The following FOCAD variants were observed in gnomAD, a reference collection of about 807,000 sequenced individuals.
FOCAD encodes focadhesin, also known as KIAA1797.
FOCAD carries 198 observed loss-of-function variants against 225.6 expected under a neutral mutation model. That is an observed-to-expected ratio of 0.88 (90% CI 0.78 to 0.99). FOCAD has a LOEUF of 0.99. FOCAD is among the 50% of genes least tolerant of loss of function. FOCAD has a pLI of 0.00. For missense variants in FOCAD, 2,713 were observed against 2,123.6 expected (o/e 1.28, Z -5.46); for synonymous variants, 897 against 755.0 (o/e 1.19, Z -3.08).
intron 23 of FOCAD, among the ~76,000 whole-genome samples, chr9:20,913,466 C>T (rs986200363): frequency 6.6e-5 from 10 of 152,044 alleles, no homozygotes; most frequent in African/African-American, 2.4e-4. Context: ...AGTGCTGGCT[C>T]ATAAAAGCAA....
At chr9:20,718,353 C>G (rs1215996454) in intron 3 of FOCAD, among the ~76,000 whole-genome samples, 1 of 152,196 alleles carries the variant, frequency 6.6e-6, no homozygotes, top group Non-Finnish European at 1.5e-5. Context: ...CAGGTGAATG[C>G]TCAGAGTTGA....
chr9:20,661,694 A>T (rs944292725), intron 2 of FOCAD, among the ~76,000 whole-genome samples: 1 of 152,248 alleles, frequency 6.6e-6, no homozygotes, highest in Non-Finnish European at 1.5e-5. Flanking sequence ...ATTGCTAAAC[A>T]TAGGATACAT....
chr9:20,841,408 A>G (rs1483459777), intron 15 of FOCAD, among the ~76,000 whole-genome samples: 1 of 150,432 alleles, frequency 6.6e-6, no homozygotes, highest in Non-Finnish European at 1.5e-5. Context: ...TTTTTTTTTG[A>G]TGGAAGACTT....
At chr9:20,815,402 CCCAAAGT>C (rs1362481761) in intron 11 of FOCAD, among the ~76,000 whole-genome samples, 4 of 151,456 alleles carry the variant, frequency 2.6e-5, no homozygotes, top group Non-Finnish European at 5.9e-5. Context: ...ACCTCGGCCT[CCCAAAGT>C]GTTGGGATTA....
At chr9:20,978,915 G>C (rs962367588) in intron 37 of FOCAD, among the ~76,000 whole-genome samples, 2 of 152,178 alleles carry the variant, frequency 1.3e-5, no homozygotes, top group Admixed American at 6.5e-5. Flanking sequence ...ACATCAAGGG[G>C]ACCAGGGGAT....
Position 20,820,346 on chromosome 9 carries a change from G to T in FOCAD, c.1583G>T (p.Arg528Leu), listed in dbSNP as rs778930504. Residue 528 changes from arginine to leucine, a missense_variant, in exon 13 of 44, where the codon CGA becomes CTA. Arg to Leu is a moderately radical substitution (Grantham distance 102). Coordinates refer to ENST00000338382, the MANE Select transcript of FOCAD (RefSeq NM_001375567.1). ...VHKVCIGQIL[R>L]IIQLLGTTPR... is the part of the protein sequence containing the mutation. ...TAGGTGTGTATAGGACAAATTCTAC[G>T]AATAATACAACTACTTGGAACCACA... 5.0e-6 allele frequency: 8 copies of T among 1,612,192 alleles called. 1 individual carries two copies. In the African/African-American group the frequency reaches 1.1e-4, roughly 22 times the overall value.
chr9:20,723,266 T>G (rs1048170414), intron 4 of FOCAD, among the ~76,000 whole-genome samples: 1 of 152,212 alleles, frequency 6.6e-6, no homozygotes, highest in Non-Finnish European at 1.5e-5. Context: ...GGCAGGCGAA[T>G]CACTTGAGGT....
At chr9:20,916,605 T>G (rs1437480198) in intron 23 of FOCAD, among the ~76,000 whole-genome samples, 1 of 152,196 alleles carries the variant, frequency 6.6e-6, no homozygotes, top group Non-Finnish European at 1.5e-5. Flanking sequence ...ACTTGTATAC[T>G]CACCACGCTG....
rs1023644027 is a variant in FOCAD at position 20,874,552 on chromosome 9, G to A, written c.2191-129G>A. On this transcript the variant is annotated intron_variant, in intron 18 of 43. Coordinates refer to ENST00000338382, the MANE Select transcript of FOCAD (RefSeq NM_001375567.1). ...GATTTTTAAAAAATTAATTTCAGTG[G>A]TCTTTTATGTTATAGAGTGATGGAG... 26 of 829,654 alleles carry A rather than the reference G, an allele frequency of 3.1e-5. No individual in the cohort carries two copies. In the African/African-American group the frequency reaches 4.0e-4, roughly 13 times the overall value. The allele number at this position is 829,654 out of a possible 1,614,324, so 51.4% of individuals were successfully genotyped here. A position where few individuals can be genotyped will look rare whatever the true frequency, so the allele number is the denominator to read the frequency against.
intron 2 of FOCAD, among the ~76,000 whole-genome samples, chr9:20,660,190 A>C (rs977966205): frequency 2.4e-4 from 37 of 152,242 alleles, no homozygotes; most frequent in African/African-American, 8.4e-4. Flanking sequence ...AGCCATCAGC[A>C]ATAATAACAG....
At chr9:20,868,102 T>C (rs1696115118) in intron 18 of FOCAD, among the ~76,000 whole-genome samples, 1 of 152,074 alleles carries the variant, frequency 6.6e-6, no homozygotes, top group Non-Finnish European at 1.5e-5. Context: ...TTATGACTCA[T>C]ACAATTAAAA....
chr9:20,981,870 C>T (rs183952972), intron 38 of FOCAD, among the ~76,000 whole-genome samples, 184 bp downstream of exon 38: 19 of 152,122 alleles, frequency 1.2e-4, no homozygotes, highest in African/African-American at 4.3e-4. Flanking sequence ...TATTTAGAAC[C>T]AAAGTTTTGA....
At chr9:20,721,713 C>T (rs531059952) in intron 4 of FOCAD, among the ~76,000 whole-genome samples, 1 of 151,988 alleles carries the variant, frequency 6.6e-6, no homozygotes, top group African/African-American at 2.4e-5. Flanking sequence ...ACAACAACAA[C>T]AAAAATTTGT....
At chr9:20,710,553 G>A (rs962707313) in intron 1 of FOCAD, among the ~76,000 whole-genome samples, 2 of 151,078 alleles carry the variant, frequency 1.3e-5, no homozygotes, top group African/African-American at 2.4e-5. Flanking sequence ...CTGGTATCAC[G>A]CCATTTCACT....
At chr9:20,676,700 A>G (rs1822247962) in intron 2 of FOCAD, among the ~76,000 whole-genome samples, 1 of 152,216 alleles carries the variant, frequency 6.6e-6, no homozygotes, top group Admixed American at 6.5e-5. Flanking sequence ...ATTTCAATGC[A>G]AGTGGAAAGG....
rs112961992 is a variant in FOCAD at position 20,962,867 on chromosome 9, A to G, written c.4132+9802A>G. 2.6e-5 allele frequency among the ~76,000 whole-genome samples: 4 copies of G among 152,294 alleles called. 1 individual carries two copies. Among genetic ancestry groups the G allele is most frequent in the African/African-American group, 9.6e-5 (4 of 41,554 alleles). ...TTTCATTATTTCTTTTTATCTAAAA[A>G]ACTTGTTTGAAAGACAAAGCATTAT... On this transcript the variant is annotated intron_variant, in intron 35 of 43. Transcript: ENST00000338382.
chr9:20,986,227 T>G, intron 39 of FOCAD, 61 bp from the exon 40 acceptor site: 1 of 1,390,740 alleles, frequency 7.2e-7, no homozygotes, highest in South Asian at 1.6e-5. Context: ...TGCCCTGAAA[T>G]TCTGTAGCTA....
At chr9:20,722,593 T>C (rs1452473513) in intron 4 of FOCAD, among the ~76,000 whole-genome samples, 2 of 152,268 alleles carry the variant, frequency 1.3e-5, no homozygotes, top group Non-Finnish European at 2.9e-5. Context: ...TAAGTGAAGG[T>C]TTGATCATGA....
chr9:20,774,738 G>T lies in FOCAD; in HGVS notation c.907-3943G>T, dbSNP rs541599798. Among the ~76,000 whole-genome samples, 8 of 152,200 alleles carry T rather than the reference G, an allele frequency of 5.3e-5. No individual in the cohort carries two copies. The South Asian group carries it at 1.7e-3, about 32-fold the overall frequency. ...TTTTTAAAATGTTTTTGATTATAAT[G>T]TAGAGTCACAGGATACTAATGTCAT... On this transcript the variant is annotated intron_variant, in intron 8 of 43. Transcript: ENST00000338382.
Sources: allele counts gnomAD v4.1 joint callset (sites outside exome capture counted in the v4.1 genomes callset), GRCh38; gene constraint gnomAD v4.1.1; transcripts MANE v1.5; gene names NCBI Gene and HGNC (gene_info 2026-07-23, HGNC 2026-07-21).